Variants in CNOT6 observed in about 807,000 individuals in gnomAD.
CNOT6 encodes carbon catabolite repression 4 protein.
In CNOT6, 12 loss-of-function variants were observed where a neutral mutation model predicts 61.2. The ratio of observed to expected loss-of-function variants is 0.20; its 90% CI spans 0.13 to 0.32. The LOEUF (loss-of-function observed/expected upper bound fraction) is 0.32, where lower values mean the gene tolerates loss of function less well. Ranked by LOEUF, CNOT6 falls within the 10% of genes least tolerant of loss-of-function variation. CNOT6 has a pLI of 1.00. For synonymous variants in CNOT6, 225 were observed against 240.6 expected (o/e 0.94, Z 0.60); for missense variants, 405 against 663.9 (o/e 0.61, Z 4.28).
chr5:180,542,412 G>A (rs888963534), intron 2 of CNOT6, among the ~76,000 whole-genome samples: 22 of 151,810 alleles, frequency 1.4e-4, no homozygotes, highest in African/African-American at 5.1e-4. Context: ...CTACAGGCCC[G>A]CGCCACCACA....
At chr5:180,498,679 G>A (rs547738874) in intron 1 of CNOT6, among the ~76,000 whole-genome samples, 8 of 152,314 alleles carry the variant, frequency 5.3e-5, no homozygotes, top group Admixed American at 5.2e-4. Context: ...AGAAGAGAGA[G>A]CCAAAATATT....
chr5:180,571,198 T>C (rs373719142), intron 10 of CNOT6, 32 bp from the exon 11 acceptor site: 1 of 1,466,536 alleles, frequency 6.8e-7, no homozygotes, highest in African/African-American at 1.4e-5. Context: ...TTTGTATATA[T>C]TTGACAATAA....
chr5:180,539,834 C>T (rs1758941133), intron 2 of CNOT6, among the ~76,000 whole-genome samples: 1 of 151,952 alleles, frequency 6.6e-6, no homozygotes, highest in African/African-American at 2.4e-5. Flanking sequence ...CATGATCCGC[C>T]CGCCTCGGCC....
At chr5:180,539,727 C>G (rs1305826103) in intron 2 of CNOT6, among the ~76,000 whole-genome samples, 1 of 151,136 alleles carries the variant, frequency 6.6e-6, no homozygotes, top group Admixed American at 6.6e-5. Context: ...GTAGCTGGGA[C>G]TACAGGCACC....
At chr5:180,566,521 A>C (rs1760464308) in intron 7 of CNOT6, among the ~76,000 whole-genome samples, 1 of 152,080 alleles carries the variant, frequency 6.6e-6, no homozygotes, top group Admixed American at 6.6e-5. Flanking sequence ...CATGCATAGA[A>C]GTGTGTCTTT....
intron 2 of CNOT6, among the ~76,000 whole-genome samples, chr5:180,533,194 T>C (rs1160458282): frequency 1.3e-5 from 2 of 151,842 alleles, no homozygotes; most frequent in Non-Finnish European, 2.9e-5. Flanking sequence ...GAGTCCTGCC[T>C]TGGGCAGGGG....
intron 1 of CNOT6, among the ~76,000 whole-genome samples, chr5:180,511,785 A>G (rs1757408830): frequency 6.6e-6 from 1 of 151,960 alleles, no homozygotes; most frequent in African/African-American, 2.4e-5. Flanking sequence ...AAATAATTTT[A>G]AAAATAAAAA....
chr5:180,551,181 C>CAA lies in CNOT6; in HGVS notation c.299+1078_299+1079dup, dbSNP rs777072557. Among the ~76,000 whole-genome samples, 12 of 109,736 alleles carry CAA rather than the reference C, an allele frequency of 1.1e-4. No homozygotes were observed. The South Asian group carries it at 1.1e-3, about 10-fold the overall frequency. 72.0% of individuals were successfully genotyped at this position (109,736 alleles called of 152,430 possible). A position where few individuals can be genotyped will look rare whatever the true frequency, so the allele number is the denominator to read the frequency against. ...CAACATAGCGAGAACCTGGTCTCTA[C>CAA]AAAAAAAAAAAAAAATCCCCAGATA... On this transcript the variant is annotated intron_variant, in intron 3 of 11. Coordinates refer to ENST00000261951, the MANE Select transcript of CNOT6 (RefSeq NM_001370472.1).
chr5:180,557,204 C>T (rs1033881192), intron 4 of CNOT6, among the ~76,000 whole-genome samples: 1 of 152,178 alleles, frequency 6.6e-6, no homozygotes, highest in Admixed American at 6.5e-5. Flanking sequence ...TTGCTGTGAA[C>T]ATTCAGTGTG....
intron 4 of CNOT6, among the ~76,000 whole-genome samples, chr5:180,561,356 T>TTCTG (rs139051889): frequency 6.9e-6 from 1 of 144,748 alleles, no homozygotes; most frequent in African/African-American, 2.6e-5. Flanking sequence ...CTTGTGTGTT[T>TTCTG]TGTGTGTGTG....
intron 11 of CNOT6, among the ~76,000 whole-genome samples, chr5:180,571,723 G>A (rs901872060): frequency 3.3e-5 from 5 of 151,942 alleles, no homozygotes; most frequent in African/African-American, 1.2e-4. Context: ...CTACTACCAC[G>A]CCTGGCTAAT....
intron 1 of CNOT6, among the ~76,000 whole-genome samples, chr5:180,507,669 C>T (rs1272776420): frequency 6.6e-6 from 1 of 152,030 alleles, no homozygotes; most frequent in Non-Finnish European, 1.5e-5. Flanking sequence ...TCACTTTGGA[C>T]GGTATATTTA....
At chr5:180,495,550 G>A (rs1756572597) in intron 1 of CNOT6, 1 of 152,190 alleles carries the variant, frequency 6.6e-6, no homozygotes, top group Non-Finnish European at 1.5e-5. Context: ...CGTTGTGAAT[G>A]GTCATCTCGC....
intron 1 of CNOT6, among the ~76,000 whole-genome samples, chr5:180,508,701 C>G (rs922990083): frequency 6.6e-6 from 1 of 152,148 alleles, no homozygotes; most frequent in African/African-American, 2.4e-5. Context: ...TGGCTCACTG[C>G]AACCTCAATC....
In CNOT6 at chr5:180,574,137, A is replaced by G. The variant is rs144015585; in HGVS notation, c.1611A>G (p.Gln537=). Reference sequence around the variant, plus strand: ...CTGACCACTTCTCACTTTTTGCACAACTGGAGCTCTTACTGCCTTTCCTGC... The same window carrying G: ...CTGACCACTTCTCACTTTTTGCACAGCTGGAGCTCTTACTGCCTTTCCTGC... ...IPSDHFSLFA[Q]LELLLPFLPQ... The change falls in exon 12 of 12, where the codon CAA becomes CAG. Residue 537 remains glutamine (Q), a synonymous_variant. Transcript: ENST00000261951. The G allele has an allele frequency of 3.8e-5, 62 of 1,613,882 alleles. No homozygotes were observed. Among genetic ancestry groups the G allele is most frequent in the Middle Eastern group, 3.3e-4 (2 of 6,084 alleles).
At chr5:180,518,156 G>GT (rs1757730834) in intron 1 of CNOT6, among the ~76,000 whole-genome samples, 1 of 152,060 alleles carries the variant, frequency 6.6e-6, no homozygotes, top group African/African-American at 2.4e-5. Context: ...GATTCAGTGT[G>GT]TTTCATTTCA....
chr5:180,533,723 C>T (rs1438254556), intron 2 of CNOT6, among the ~76,000 whole-genome samples: 1 of 152,156 alleles, frequency 6.6e-6, no homozygotes, highest in Admixed American at 6.5e-5. Context: ...CCCAGATTGG[C>T]TTCTTTAACT....
At chr5:180,563,085 C>G (rs949900042) in intron 4 of CNOT6, among the ~76,000 whole-genome samples, 2 of 152,216 alleles carry the variant, frequency 1.3e-5, no homozygotes, top group African/African-American at 2.4e-5. Flanking sequence ...GATAAATGAA[C>G]TTTGCCATTT....
intron 1 of CNOT6, among the ~76,000 whole-genome samples, chr5:180,517,531 G>T (rs1003561271): frequency 1.3e-5 from 2 of 151,856 alleles, no homozygotes; most frequent in Non-Finnish European, 2.9e-5. Context: ...GTTTTGTAAA[G>T]TAGGGCTTTT....
Sources: gnomAD v4.1 joint callset for allele counts (sites outside exome capture counted in the v4.1 genomes callset) on GRCh38, gnomAD v4.1.1 for gene constraint, MANE v1.5 for transcripts, NCBI Gene and HGNC (gene_info 2026-07-23, HGNC 2026-07-21) for gene names.